CPNE5: variants seen among roughly 807,000 people sequenced by gnomAD.
The protein encoded by CPNE5 is copine-5.
A neutral mutation model predicts 81.1 loss-of-function variants in CPNE5; 42 were observed. The observed-to-expected ratio is 0.52, with a 90% CI of 0.40 to 0.67. The LOEUF (loss-of-function observed/expected upper bound fraction) is 0.67. Ranked by LOEUF, CPNE5 falls within the 30% of genes least tolerant of loss-of-function variation. The probability of loss-of-function intolerance (pLI) is 0.00; values close to 1 mark genes in which losing one functional copy is unlikely to be tolerated. For missense variants in CPNE5, 612 were observed against 815.5 expected (o/e 0.75, Z 3.04); for synonymous variants, 313 against 321.5 (o/e 0.97, Z 0.28).
Position 36,778,975 on chromosome 6 carries a change from GA to G in CPNE5, c.529-19del. On this transcript the variant is annotated intron_variant, in intron 8 of 20. Transcript: ENST00000244751. ...GCGACATCCTGGTGGGAGGGAGGGA[GA>G]ACGGGGTGTGAGGCAGGAGAAAGTG... 6.5e-7 allele frequency: 1 copy of G among 1,546,980 alleles called. No individual in the cohort carries two copies. Among genetic ancestry groups the G allele is most frequent in the Non-Finnish European group, 8.9e-7 (1 of 1,120,982 alleles).
chr6:36,742,142 TG>T lies in CPNE5; in HGVS notation c.*125del. 2.9e-6 allele frequency: 2 copies of T among 690,120 alleles called. No individual in the cohort carries two copies. The highest frequency in any genetic ancestry group is 4.7e-6 in the Non-Finnish European group (2 of 427,320). The allele number at this position is 690,120 out of a possible 1,614,324, so 42.7% of individuals were successfully genotyped here. ...AGGGGTCTTCAGAAGCCCCACCCCC[TG>T]GCAGCCTCCCAGGCACACAGATGTC... On this transcript the variant is annotated 3_prime_UTR_variant, in exon 21 of 21. Coordinates refer to ENST00000244751, the MANE Select transcript of CPNE5 (RefSeq NM_020939.2).
chr6:36,830,875 T>C (rs1322821182), intron 1 of CPNE5, among the ~76,000 whole-genome samples: 1 of 152,032 alleles, frequency 6.6e-6, no homozygotes, highest in East Asian at 1.9e-4. Flanking sequence ...GTTTTAAATG[T>C]TTCTACTTCA....
At chr6:36,776,107 G>A (rs1427463599) in intron 9 of CPNE5, among the ~76,000 whole-genome samples, 2 of 152,090 alleles carry the variant, frequency 1.3e-5, no homozygotes, top group African/African-American at 4.8e-5. Context: ...CATGCCCCAC[G>A]CCATGCTTGG....
intron 1 of CPNE5, chr6:36,827,210 C>G: frequency 2.1e-6 from 1 of 472,582 alleles, no homozygotes; most frequent in Non-Finnish European, 2.8e-6. Flanking sequence ...CTGCCTCTCG[C>G]CTATGTCCCT....
intron 3 of CPNE5, among the ~76,000 whole-genome samples, chr6:36,815,409 C>A (rs1249437773): frequency 6.6e-6 from 1 of 152,166 alleles, no homozygotes; most frequent in African/African-American, 2.4e-5. Context: ...CATTGTGATG[C>A]TATTCAGAGG....
chr6:36,779,877 G>A (rs755169145), intron 8 of CPNE5, among the ~76,000 whole-genome samples: 1 of 152,076 alleles, frequency 6.6e-6, no homozygotes, highest in African/African-American at 2.4e-5. Flanking sequence ...AATCACCTTC[G>A]AGCCAGCTGA....
intron 2 of CPNE5, 60 bp downstream of exon 2, chr6:36,822,998 T>C: frequency 7.1e-7 from 1 of 1,413,532 alleles, no homozygotes; most frequent in Non-Finnish European, 9.6e-7. Flanking sequence ...GCATTGCCGC[T>C]GTAATTAGTC....
At position 36,745,408 on chromosome 6, in the gene CPNE5, G is replaced by A. The variant is rs779752719; in HGVS notation, c.1308C>T (p.Pro436=). Residue 436 remains proline (P), a synonymous_variant, in exon 17 of 21, where the codon CCC becomes CCT. Coordinates refer to ENST00000244751, the MANE Select transcript of CPNE5 (RefSeq NM_020939.2). ...VQLYGPTNFA[P]VVTHVARNAA... The stretch of plus-strand genomic sequence containing the variant: ...CTCACCTGGCCACGTGGGTGACCAC[G>A]GGGGCAAAGTTGGTGGGGCCGTACA... 8.1e-6 allele frequency: 13 copies of A among 1,607,260 alleles called. No individual in the cohort carries two copies. Among genetic ancestry groups the A allele is most frequent in the South Asian group, 4.5e-5 (4 of 89,476 alleles).
chr6:36,749,121 A>T (rs997085044), intron 14 of CPNE5, among the ~76,000 whole-genome samples: 1 of 151,698 alleles, frequency 6.6e-6, no homozygotes. Flanking sequence ...CTTTTTGCAG[A>T]GATGGGGTCT....
At chr6:36,785,520 T>C (rs1768449730) in intron 8 of CPNE5, among the ~76,000 whole-genome samples, 1 of 152,198 alleles carries the variant, frequency 6.6e-6, no homozygotes, top group Non-Finnish European at 1.5e-5. Context: ...GCTTTTGGTC[T>C]GGATCCAAAG....
intron 1 of CPNE5, among the ~76,000 whole-genome samples, chr6:36,825,252 G>GC (rs1772402542): frequency 6.6e-6 from 1 of 152,142 alleles, no homozygotes; most frequent in African/African-American, 2.4e-5. Context: ...CGCAACAGCA[G>GC]CCTGAGGCCT....
intron 1 of CPNE5, among the ~76,000 whole-genome samples, chr6:36,834,278 AGGAAG>A (rs1773237722): frequency 1.1e-5 from 1 of 91,778 alleles, no homozygotes; most frequent in Non-Finnish European, 2.1e-5. Flanking sequence ...AAAAAAAAAA[AGGAAG>A]GAAGGGAGGG....
chr6:36,829,103 G>A (rs943795691), intron 1 of CPNE5, among the ~76,000 whole-genome samples: 1 of 152,182 alleles, frequency 6.6e-6, no homozygotes, highest in Non-Finnish European at 1.5e-5. Flanking sequence ...CTTGGCTTTA[G>A]CAGGACCCAA....
At chr6:36,827,745 C>T (rs879400287) in intron 1 of CPNE5, 35 of 985,306 alleles carry the variant, frequency 3.6e-5, no homozygotes, top group Middle Eastern at 5.2e-4. Flanking sequence ...GGGAGGAAAC[C>T]GGGTCTTCCG....
intron 8 of CPNE5, among the ~76,000 whole-genome samples, chr6:36,782,484 G>C (rs1173074987): frequency 6.6e-6 from 1 of 152,136 alleles, no homozygotes; most frequent in Non-Finnish European, 1.5e-5. Flanking sequence ...GAGGGCTGCT[G>C]TCTCAGCCTA....
chr6:36,779,933 G>A (rs2150470087), intron 8 of CPNE5, among the ~76,000 whole-genome samples: 1 of 151,716 alleles, frequency 6.6e-6, no homozygotes, highest in Middle Eastern at 3.5e-3. Flanking sequence ...CCTGCTCTTG[G>A]GGTCACTCCG....
At position 36,766,227 on chromosome 6, in the gene CPNE5, A is replaced by G. The variant is rs894929053; in HGVS notation, c.738-851T>C. Among the ~76,000 whole-genome samples, 1 of 152,106 alleles carries G rather than the reference A, an allele frequency of 6.6e-6. No individual in the cohort carries two copies. Among genetic ancestry groups the G allele is most frequent in the Non-Finnish European group, 1.5e-5 (1 of 68,010 alleles). ...GCCTTCAGTTCTTAGTGGGGTGCAG[A>G]GAGGCAGCTCCCCGGGCCTATCTTT... On this transcript the variant is annotated intron_variant, in intron 10 of 20. Transcript: ENST00000244751. This position sits in a 1 kb window ranked among gnomAD's most constrained non-coding sequence, Gnocchi z 4.2.
Position 36,746,231 on chromosome 6 carries a change from G to A in CPNE5, c.1200+165C>T. ...GGGGCAGCATCTGTGATCAGGGAAGGGAGTGGATTTCTGGAGCCCCCCTAC... is the reference window on the plus strand; with the variant it reads ...GGGGCAGCATCTGTGATCAGGGAAGAGAGTGGATTTCTGGAGCCCCCCTAC... On this transcript the variant is annotated intron_variant, in intron 16 of 20. Coordinates refer to ENST00000244751, the MANE Select transcript of CPNE5 (RefSeq NM_020939.2). The surrounding 1 kb of genome is among the most constrained non-coding windows in gnomAD (Gnocchi z 4.5). 1.0e-6 allele frequency: 1 copy of A among 984,968 alleles called. No homozygotes were observed. The highest frequency in any genetic ancestry group is 1.2e-6 in the Non-Finnish European group (1 of 829,522). The allele number at this position is 984,968 out of a possible 1,614,324, so 61.0% of individuals were successfully genotyped here.
intron 6 of CPNE5, among the ~76,000 whole-genome samples, chr6:36,795,678 G>A (rs960130847): frequency 6.6e-6 from 1 of 152,164 alleles, no homozygotes; most frequent in African/African-American, 2.4e-5. Flanking sequence ...CTTGATCTCC[G>A]ACGTCTAGCC....
Sources: allele counts gnomAD v4.1 joint callset (sites outside exome capture counted in the v4.1 genomes callset), GRCh38; gene constraint gnomAD v4.1.1; non-coding constraint Gnocchi (gnomAD v3.1); transcripts MANE v1.5; gene names NCBI Gene and HGNC (gene_info 2026-07-23, HGNC 2026-07-21).